The following DAG1 variants were observed in gnomAD, a reference collection of about 807,000 sequenced individuals.
DAG1 encodes the protein dystroglycan 1, also known as dystroglycan 1 (dystrophin-associated glycoprotein 1).
In DAG1, 8 loss-of-function variants were observed where a neutral mutation model predicts 46.1. The observed-to-expected ratio is 0.17, with a 90% CI of 0.10 to 0.31. DAG1 has a LOEUF of 0.31. Ranked by LOEUF, DAG1 falls within the 10% of genes least tolerant of loss-of-function variation. DAG1 has a pLI of 1.00. For missense variants in DAG1, 1,003 were observed against 1,189.9 expected, an observed-to-expected ratio of 0.84 and a Z score of 2.31; for synonymous variants, 495 against 481.8, an observed-to-expected ratio of 1.03 and a Z score of -0.36.
rs1251447234 is a variant in DAG1, at chr3:49,527,701, T to TA, written c.286-3085dup. Among the ~76,000 whole-genome samples the TA allele has an allele frequency of 7.4e-3, 1,074 of 145,568 alleles. 14 individuals are homozygous for TA. The highest frequency in any genetic ancestry group is 0.023 in the African/African-American group (927 of 39,890). ...CTGGGTGATAGAGTGAGACGCTGTCTAAAAAAAAAAAGTGCCCTTGTATAG... is the reference window on the plus strand; with the variant it reads ...CTGGGTGATAGAGTGAGACGCTGTCTAAAAAAAAAAAAGTGCCCTTGTATAG... On this transcript the variant is annotated intron_variant, in intron 2 of 2. Transcript: ENST00000308775.
rs966644386 is a variant in DAG1, at chr3:49,535,093, C to T, written c.*1894C>T. 6.6e-6 allele frequency: 1 copy of T among 152,200 alleles called. No individual in the cohort carries two copies. Among genetic ancestry groups the T allele is most frequent in the Non-Finnish European group, 1.5e-5 (1 of 68,022 alleles). 9.4% of individuals were successfully genotyped at this position (152,200 alleles called of 1,614,324 possible). On this transcript the variant is annotated 3_prime_UTR_variant, in exon 3 of 3. Coordinates refer to ENST00000308775, the MANE Select transcript of DAG1 (RefSeq NM_004393.6). ...GGGTACTCTGGAGTGAGCAGTGCCC[C>T]TGTGGGGGAGCCTGTAAATGCGGGC... is the stretch of plus-strand genomic sequence containing the variant.
chr3:49,478,731 C>G (rs1281781859), intron 1 of DAG1, among the ~76,000 whole-genome samples: 1 of 148,850 alleles, frequency 6.7e-6, no homozygotes, highest in Non-Finnish European at 1.5e-5. Flanking sequence ...CCACTGCACT[C>G]CAGACTGGGT....
In DAG1 at chr3:49,501,969, G is replaced by A. The variant is rs2107533837; in HGVS notation, c.-116-8450G>A. ...AGGCAGGAGGATTGCTTGAGCCCAT[G>A]AGTTTGAAACCAGCCTGGGTAATAT... On this transcript the variant is annotated intron_variant, in intron 1 of 2. Transcript: ENST00000308775. 2.6e-5 allele frequency among the ~76,000 whole-genome samples: 4 copies of A among 152,308 alleles called. 1 individual carries two copies. The South Asian group carries it at 8.3e-4, about 32-fold the overall frequency.
At chr3:49,523,315 C>T (rs1258016419) in intron 2 of DAG1, among the ~76,000 whole-genome samples, 2 of 152,150 alleles carry the variant, frequency 1.3e-5, no homozygotes, top group Non-Finnish European at 2.9e-5. Context: ...TGGCCTCAAA[C>T]AATCCTCTCG....
intron 1 of DAG1, among the ~76,000 whole-genome samples, chr3:49,486,778 C>T (rs1283728593): frequency 6.6e-6 from 1 of 152,236 alleles, no homozygotes; most frequent in East Asian, 1.9e-4. Context: ...GTTGGGATTA[C>T]AGGCGTGAGA....
intron 1 of DAG1, among the ~76,000 whole-genome samples, chr3:49,476,197 A>C (rs2049679112): frequency 6.6e-6 from 1 of 152,192 alleles, no homozygotes. Context: ...TTATGTTTTA[A>C]AAGCAGGATT....
At chr3:49,495,039 G>A (rs1299479381) in intron 1 of DAG1, among the ~76,000 whole-genome samples, 2 of 152,140 alleles carry the variant, frequency 1.3e-5, no homozygotes, top group East Asian at 3.9e-4. Context: ...AGAGAAAGCA[G>A]CAGAGTCAAT....
intron 1 of DAG1, among the ~76,000 whole-genome samples, chr3:49,482,767 G>A (rs1236698650): frequency 6.6e-6 from 1 of 152,152 alleles, no homozygotes; most frequent in Non-Finnish European, 1.5e-5. Context: ...GTTTGTAAAT[G>A]TATTAAAACA....
At position 49,533,966 on chromosome 3, in the gene DAG1, G is replaced by C. The variant is rs960868411; in HGVS notation, c.*767G>C. 1 of 157,994 alleles carries C rather than the reference G, an allele frequency of 6.3e-6. No individual in the cohort carries two copies. Among genetic ancestry groups the C allele is most frequent in the Non-Finnish European group, 1.4e-5 (1 of 71,676 alleles). The allele number at this position is 157,994 out of a possible 1,614,324, so 9.8% of individuals were successfully genotyped here. ...GTTGCCAGGGGCTGGAAGCTGGAGGGGTCTCTTGGGCCATGGACATCCCCA... is the reference window on the plus strand; with the variant it reads ...GTTGCCAGGGGCTGGAAGCTGGAGGCGTCTCTTGGGCCATGGACATCCCCA... On this transcript the variant is annotated 3_prime_UTR_variant, in exon 3 of 3. Coordinates refer to ENST00000308775, the MANE Select transcript of DAG1 (RefSeq NM_004393.6).
At chr3:49,527,766 T>A (rs909165953) in intron 2 of DAG1, among the ~76,000 whole-genome samples, 1 of 152,150 alleles carries the variant, frequency 6.6e-6, no homozygotes, top group Non-Finnish European at 1.5e-5. Flanking sequence ...TGCTGACTTA[T>A]CAACACTGAT....
intron 1 of DAG1, among the ~76,000 whole-genome samples, chr3:49,508,786 C>T (rs1332781347): frequency 6.6e-6 from 1 of 152,194 alleles, no homozygotes; most frequent in Non-Finnish European, 1.5e-5. Context: ...GTCTCAGCCT[C>T]CCAAAGTGCT....
In DAG1 at chr3:49,486,514, G is replaced by A. The variant is rs139083518; in HGVS notation, c.-117+16081G>A. On this transcript the variant is annotated intron_variant, in intron 1 of 2. Transcript: ENST00000308775. ...ATTACAGGCGTGAGCCACCGCGCCC[G>A]GCCCTTTTTCTTTTTTTTGAGACAG... 0.055 allele frequency among the ~76,000 whole-genome samples: 8,199 copies of A among 147,898 alleles called. 1,673 individuals are homozygous for A. In the East Asian group the frequency reaches 0.61, roughly 11 times the overall value.
intron 1 of DAG1, among the ~76,000 whole-genome samples, chr3:49,501,451 A>G (rs2050447862): frequency 6.6e-6 from 1 of 152,186 alleles, no homozygotes; most frequent in South Asian, 2.1e-4. Flanking sequence ...CAACAGATGT[A>G]TCCCTGCTCT....
chr3:49,498,268 C>A (rs544490453), intron 1 of DAG1, among the ~76,000 whole-genome samples: 8 of 152,270 alleles, frequency 5.3e-5, no homozygotes, highest in Admixed American at 5.2e-4. Context: ...CCCTATCTGT[C>A]CCCTGAACTG....
At position 49,510,851 on chromosome 3, in the gene DAG1, G is replaced by A. The variant is rs777089244; in HGVS notation, c.285+32G>A. ...CTGGATATAAAGCATAAATGAGGAA[G>A]AGTTCTCATTTTCCATTTTAGTTTT... is the stretch of plus-strand genomic sequence containing the variant. On this transcript the variant is annotated intron_variant, in intron 2 of 2. Transcript: ENST00000308775. The A allele has an allele frequency of 3.1e-6, 5 of 1,612,502 alleles. No homozygotes were observed. In the South Asian group the frequency reaches 5.5e-5, roughly 18 times the overall value.
intron 1 of DAG1, among the ~76,000 whole-genome samples, chr3:49,473,428 A>G (rs551305827): frequency 6.6e-6 from 1 of 151,302 alleles, no homozygotes; most frequent in Non-Finnish European, 1.5e-5. Flanking sequence ...TCTCAAAACA[A>G]AAAAAAAACA....
At chr3:49,472,014 A>G (rs770972858) in intron 1 of DAG1, among the ~76,000 whole-genome samples, 32 of 152,200 alleles carry the variant, frequency 2.1e-4, no homozygotes, top group Non-Finnish European at 3.4e-4. Flanking sequence ...ATGAGCACCT[A>G]AAATAGTGCT....
Position 49,510,445 on chromosome 3 carries a change from G to T in DAG1, c.-90G>T. The T allele has an allele frequency of 7.9e-7, 1 of 1,259,284 alleles. No individual in the cohort carries two copies. The allele number at this position is 1,259,284 out of a possible 1,614,324, so 78.0% of individuals were successfully genotyped here. A position where few individuals can be genotyped will look rare whatever the true frequency, so the allele number is the denominator to read the frequency against. ...CTCTGTGTGCTCCGGGATGGAGCAG[G>T]TGTGCAGAGGGTGAGAACCCAGCTC... On this transcript the variant is annotated 5_prime_UTR_variant, in exon 2 of 3. Transcript: ENST00000308775.
chr3:49,487,432 A>G (rs1480612807), intron 1 of DAG1: 1 of 152,148 alleles, frequency 6.6e-6, no homozygotes, highest in Non-Finnish European at 1.5e-5. Flanking sequence ...TGAATTTAGA[A>G]AATGTTAATG....
Sources: gnomAD v4.1 joint callset for allele counts (sites outside exome capture counted in the v4.1 genomes callset) on GRCh38, gnomAD v4.1.1 for gene constraint, MANE v1.5 for transcripts, NCBI Gene and HGNC (gene_info 2026-07-23, HGNC 2026-07-21) for gene names.